Variants in NTM observed in about 807,000 individuals in gnomAD.
NTM encodes IgLON family member 2.
Under a neutral mutation model 42.1 loss-of-function variants are expected in NTM, and 13 were observed. The ratio of observed to expected loss-of-function variants is 0.31; its 90% CI spans 0.20 to 0.49. The LOEUF (loss-of-function observed/expected upper bound fraction) is 0.49. NTM is among the 20% of genes least tolerant of loss of function. The pLI is 0.99. For missense variants in NTM, 373 were observed against 452.8 expected (o/e 0.82, Z 1.60); for synonymous variants, 187 against 179.2 (o/e 1.04, Z -0.35).
intron 3 of NTM, among the ~76,000 whole-genome samples, chr11:132,159,637 A>G (rs1463557920): frequency 6.6e-6 from 1 of 152,156 alleles, no homozygotes; most frequent in Non-Finnish European, 1.5e-5. Flanking sequence ...AGAGGATACC[A>G]AAACCGGAGT....
intron 2 of NTM, among the ~76,000 whole-genome samples, chr11:132,126,941 A>T (rs191835292): frequency 1.3e-5 from 2 of 152,254 alleles, no homozygotes; most frequent in Non-Finnish European, 2.9e-5. Flanking sequence ...ACTGAGGCAC[A>T]GCACATTAAG....
chr11:131,835,578 A>G (rs191520327), intron 1 of NTM, among the ~76,000 whole-genome samples: 214 of 152,288 alleles, frequency 1.4e-3, no homozygotes, highest in Middle Eastern at 0.01. Context: ...ATTAAAAAAA[A>G]CTGGCAATAC....
At chr11:132,227,775 G>T (rs907875938) in intron 4 of NTM, among the ~76,000 whole-genome samples, 5 of 152,140 alleles carry the variant, frequency 3.3e-5, no homozygotes, top group Admixed American at 2.0e-4. Flanking sequence ...GACACTAGGT[G>T]CTTTGTCTGG....
chr11:131,576,051 G>A (rs1464448058), intron 1 of NTM, among the ~76,000 whole-genome samples: 2 of 152,160 alleles, frequency 1.3e-5, no homozygotes, highest in East Asian at 1.9e-4. Flanking sequence ...CAGAAAGCCA[G>A]GCTCAGACAC....
chr11:131,947,052 C>T lies in NTM; in HGVS notation c.167+35404C>T, dbSNP rs115065608. On this transcript the variant is annotated intron_variant, in intron 2 of 8. Transcript: ENST00000683400. Reference sequence around the variant, plus strand: ...ACAATGGAATGGAATGTACATGGATCTGTACAGACATTTCCAGAAAAGCTG... The same window carrying T: ...ACAATGGAATGGAATGTACATGGATTTGTACAGACATTTCCAGAAAAGCTG... Among the ~76,000 whole-genome samples, 665 of 152,286 alleles carry T rather than the reference C, an allele frequency of 4.4e-3. 7 individuals are homozygous for T. The highest frequency in any genetic ancestry group is 0.015 in the African/African-American group (639 of 41,562).
At chr11:131,702,276 G>A (rs1181839335) in intron 1 of NTM, among the ~76,000 whole-genome samples, 1 of 152,170 alleles carries the variant, frequency 6.6e-6, no homozygotes. Flanking sequence ...AGAAAAAAAA[G>A]TACGGTAGTG....
chr11:132,242,290 G>A (rs1361181330), intron 4 of NTM, among the ~76,000 whole-genome samples: 2 of 152,104 alleles, frequency 1.3e-5, no homozygotes, highest in African/African-American at 4.8e-5. Context: ...GTACACACAA[G>A]AAAATGACTG....
At chr11:132,300,288 C>T (rs562874162) in intron 4 of NTM, among the ~76,000 whole-genome samples, 16 of 152,292 alleles carry the variant, frequency 1.1e-4, no homozygotes, top group Non-Finnish European at 2.2e-4. Context: ...ATGATAGCTA[C>T]GATTTCCTGA....
chr11:131,960,195 A>T (rs766875410), intron 2 of NTM, among the ~76,000 whole-genome samples: 17 of 152,202 alleles, frequency 1.1e-4, no homozygotes, highest in Non-Finnish European at 2.4e-4. Context: ...TACAAGCTCG[A>T]GGGTGTTCAT....
chr11:131,830,975 G>C (rs773802089), intron 1 of NTM, among the ~76,000 whole-genome samples: 1 of 152,120 alleles, frequency 6.6e-6, no homozygotes, highest in Non-Finnish European at 1.5e-5. Flanking sequence ...CTCTCAGCTT[G>C]AAAGCTATTG....
chr11:131,757,407 C>G (rs540597352), intron 1 of NTM, among the ~76,000 whole-genome samples: 1 of 152,186 alleles, frequency 6.6e-6, no homozygotes, highest in African/African-American at 2.4e-5. Flanking sequence ...CAACGATATA[C>G]CAGGTCACAC....
intron 1 of NTM, among the ~76,000 whole-genome samples, chr11:131,832,809 AACAC>A (rs1175662988): frequency 1.3e-5 from 2 of 152,220 alleles, no homozygotes; most frequent in Non-Finnish European, 2.9e-5. Context: ...TATGCACATA[AACAC>A]ACACAGGATT....
intron 2 of NTM, among the ~76,000 whole-genome samples, chr11:131,978,825 C>T (rs975741666): frequency 6.6e-6 from 1 of 152,130 alleles, no homozygotes; most frequent in Non-Finnish European, 1.5e-5. Context: ...ATTTGAAATG[C>T]ATTAACCTAT....
chr11:132,018,861 C>T (rs903314334), intron 2 of NTM, among the ~76,000 whole-genome samples: 3 of 151,892 alleles, frequency 2.0e-5, no homozygotes, highest in East Asian at 3.8e-4. Flanking sequence ...TTTTCTTTGC[C>T]GAAGATTTTT....
At chr11:131,789,636 A>AGGAGAAGGAGAAGGAGAAGGAG (rs1555127949) in intron 1 of NTM, among the ~76,000 whole-genome samples, 16 of 30,902 alleles carry the variant, frequency 5.2e-4, no homozygotes, top group Non-Finnish European at 8.7e-4. Context: ...AAGAAGAAGA[A>AGGAGAAGGAGAAGGAGAAGGAG]AAGAAGAAGA....
At chr11:131,395,990 C>T (rs1001610253) in intron 1 of NTM, among the ~76,000 whole-genome samples, 1 of 152,186 alleles carries the variant, frequency 6.6e-6, no homozygotes, top group Non-Finnish European at 1.5e-5. Context: ...GACCCAGGGT[C>T]CTGACGTGGC....
chr11:131,644,565 C>T (rs375846424), intron 1 of NTM, among the ~76,000 whole-genome samples: 5 of 152,326 alleles, frequency 3.3e-5, no homozygotes, highest in South Asian at 2.1e-4. Flanking sequence ...ATTTTCTAAA[C>T]ACCACATAAG....
chr11:131,628,059 A>G (rs187397321), intron 1 of NTM, among the ~76,000 whole-genome samples: 164 of 152,322 alleles, frequency 1.1e-3, no homozygotes, highest in Middle Eastern at 3.4e-3. Flanking sequence ...GTTTGCAAAG[A>G]CAATGTGGAC....
intron 1 of NTM, among the ~76,000 whole-genome samples, chr11:131,864,689 C>T (rs2046964248): frequency 6.6e-6 from 1 of 152,174 alleles, no homozygotes; most frequent in African/African-American, 2.4e-5. Context: ...TTGATATAGT[C>T]GGACCTTCTA....
Sources: gnomAD v4.1 joint callset for allele counts (sites outside exome capture counted in the v4.1 genomes callset) on GRCh38, gnomAD v4.1.1 for gene constraint, MANE v1.5 for transcripts, NCBI Gene and HGNC (gene_info 2026-07-23, HGNC 2026-07-21) for gene names.